The following DIS3L2 variants were observed in gnomAD, a reference collection of about 807,000 sequenced individuals.
DIS3L2 encodes DIS3 like 3'-5' exoribonuclease 2, also known as DIS3-like exonuclease 2.
DIS3L2 carries 34 observed loss-of-function variants against 97.5 expected under a neutral mutation model. That is an observed-to-expected ratio of 0.35 (90% confidence interval 0.27 to 0.46). The LOEUF is 0.46. DIS3L2 is among the 20% of genes least tolerant of loss of function. The pLI, the probability that DIS3L2 is intolerant of heterozygous loss-of-function variation, is 1.00. For synonymous variants in DIS3L2, 435 were observed against 445.2 expected, an observed-to-expected ratio of 0.98 and a Z score of 0.29; for missense variants, 1,038 against 1,146.0, an observed-to-expected ratio of 0.91 and a Z score of 1.36.
chr2:232,061,989 G>T (rs1206137730), intron 5 of DIS3L2, among the ~76,000 whole-genome samples: 2 of 149,588 alleles, frequency 1.3e-5, no homozygotes, highest in Non-Finnish European at 3.0e-5. Context: ...CTTTGTAAAA[G>T]AAAACAACTT....
At chr2:232,201,745 G>T (rs1691899210) in intron 9 of DIS3L2, among the ~76,000 whole-genome samples, 1 of 152,064 alleles carries the variant, frequency 6.6e-6, no homozygotes, top group Admixed American at 6.6e-5. Context: ...AGTATGGAGA[G>T]GGAAAGTATC....
At chr2:232,103,511 A>G (rs1697263473) in intron 6 of DIS3L2, among the ~76,000 whole-genome samples, 1 of 152,196 alleles carries the variant, frequency 6.6e-6, no homozygotes, top group South Asian at 2.1e-4. Context: ...TATAATATTG[A>G]ATAATTCTTG....
intron 6 of DIS3L2, among the ~76,000 whole-genome samples, chr2:232,094,236 C>A (rs1270180273): frequency 6.6e-6 from 1 of 152,140 alleles, no homozygotes; most frequent in Non-Finnish European, 1.5e-5. Flanking sequence ...TGTGATCTAA[C>A]ATATGGTCTG....
intron 1 of DIS3L2, among the ~76,000 whole-genome samples, chr2:231,999,590 T>C (rs1269231072): frequency 6.6e-6 from 1 of 152,220 alleles, no homozygotes; most frequent in Non-Finnish European, 1.5e-5. Context: ...AAGTATTTAC[T>C]TATTTGTTCC....
At chr2:231,986,901 A>G (rs1693428490) in intron 1 of DIS3L2, among the ~76,000 whole-genome samples, 1 of 152,204 alleles carries the variant, frequency 6.6e-6, no homozygotes, top group Non-Finnish European at 1.5e-5. Flanking sequence ...ACAAGTATTT[A>G]ATTTGTTTTA....
chr2:232,343,841 T>A, exon 14 of DIS3L2: 1 of 394,284 alleles, frequency 2.5e-6, no homozygotes, highest in South Asian at 4.1e-5. Context: ...AGATTTTCCA[T>A]CTCCAGAGCT....
chr2:232,160,642 G>A (rs565615825), intron 8 of DIS3L2, among the ~76,000 whole-genome samples: 4 of 152,070 alleles, frequency 2.6e-5, no homozygotes, highest in East Asian at 1.9e-4. Flanking sequence ...TTGGGAGGCC[G>A]AGGTGGGCAG....
chr2:232,315,745 T>C (rs1231766767), intron 14 of DIS3L2, among the ~76,000 whole-genome samples: 1 of 152,158 alleles, frequency 6.6e-6, no homozygotes, highest in African/African-American at 2.4e-5. Flanking sequence ...TGCGAAAAGA[T>C]TTCGTAGAGT....
intron 10 of DIS3L2, among the ~76,000 whole-genome samples, chr2:232,214,562 G>A (rs1350772926): frequency 6.6e-6 from 1 of 152,188 alleles, no homozygotes; most frequent in Admixed American, 6.5e-5. Flanking sequence ...TGTCCAGTGG[G>A]TTATGAGGTG....
At chr2:232,059,881 A>G (rs1164242016) in intron 5 of DIS3L2, among the ~76,000 whole-genome samples, 5 of 152,046 alleles carry the variant, frequency 3.3e-5, no homozygotes, top group African/African-American at 1.2e-4. Context: ...ATCCAGTCCA[A>G]TATTGGACTG....
At chr2:232,160,769 T>C (rs531969733) in intron 8 of DIS3L2, among the ~76,000 whole-genome samples, 1 of 152,222 alleles carries the variant, frequency 6.6e-6, no homozygotes, top group African/African-American at 2.4e-5. Flanking sequence ...GGTGGGAGTA[T>C]TGCTTGAGCC....
intron 6 of DIS3L2, among the ~76,000 whole-genome samples, chr2:232,095,749 G>A (rs957723349): frequency 9.2e-5 from 14 of 152,090 alleles, no homozygotes; most frequent in African/African-American, 2.9e-4. Flanking sequence ...GGACAAGTCT[G>A]GTGTTGATGA....
intron 1 of DIS3L2, among the ~76,000 whole-genome samples, chr2:231,989,846 C>CT (rs2106189688): frequency 6.6e-6 from 1 of 152,042 alleles, no homozygotes; most frequent in Admixed American, 6.5e-5. Context: ...TTGTCTCAAA[C>CT]AACAACAACA....
chr2:232,277,730 G>T (rs944514808), intron 13 of DIS3L2, among the ~76,000 whole-genome samples: 1 of 152,082 alleles, frequency 6.6e-6, no homozygotes, highest in Admixed American at 6.5e-5. Context: ...GAAATATGTC[G>T]TTAAGTGATT....
At chr2:232,265,070 C>G (rs900714864) in intron 13 of DIS3L2, among the ~76,000 whole-genome samples, 1 of 152,228 alleles carries the variant, frequency 6.6e-6, no homozygotes, top group Non-Finnish European at 1.5e-5. Flanking sequence ...AGAAATCATT[C>G]ATGGGAGTGT....
Position 232,334,638 on chromosome 2 carries a change from G to T in DIS3L2, c.2297G>T (p.Gly766Val). 3.1e-6 allele frequency: 5 copies of T among 1,607,658 alleles called. No homozygotes were observed. Among genetic ancestry groups the T allele is most frequent in the Non-Finnish European group, 4.2e-6 (5 of 1,177,392 alleles). The change falls in exon 19 of 21, where the codon GGC becomes GTC. Residue 766 changes from glycine to valine, a missense_variant. Around this residue, in one of 3 missense-constraint regions of DIS3L2, gnomAD observed 221 missense variants for 246.9 expected, o/e 0.90. Transcript: ENST00000325385. Reference protein sequence around the residue: ...LFFAVLVKESGPLESEAMVMG... With the variant: ...LFFAVLVKESVPLESEAMVMG... Reference sequence around the variant, plus strand: ...GCAGCACTGTCCCTGCAGGAGAGTGGCCCCCTGGAGTCAGAAGCCATGGTG... The same window carrying T: ...GCAGCACTGTCCCTGCAGGAGAGTGTCCCCCTGGAGTCAGAAGCCATGGTG...
chr2:231,978,844 A>T (rs1693170572), intron 1 of DIS3L2: 1 of 152,260 alleles, frequency 6.6e-6, no homozygotes, highest in African/African-American at 2.4e-5. Flanking sequence ...GCAAACACTG[A>T]CCAATTAAAT....
intron 6 of DIS3L2, among the ~76,000 whole-genome samples, chr2:232,128,762 T>G (rs1053185319): frequency 6.6e-6 from 1 of 152,166 alleles, no homozygotes; most frequent in African/African-American, 2.4e-5. Flanking sequence ...AGCCGACAAC[T>G]TTACTATTCA....
chr2:232,170,610 C>CT (rs922599772), intron 9 of DIS3L2, among the ~76,000 whole-genome samples: 9 of 152,154 alleles, frequency 5.9e-5, no homozygotes, highest in African/African-American at 2.2e-4. Flanking sequence ...TGCTTTCTCT[C>CT]TTTTTTTCCC....
Sources: gnomAD v4.1 joint callset for allele counts (sites outside exome capture counted in the v4.1 genomes callset) on GRCh38, gnomAD v4.1.1 for gene constraint, gnomAD v4.1.1 regional missense constraint, MANE v1.5 for transcripts, NCBI Gene and HGNC (gene_info 2026-07-23, HGNC 2026-07-21) for gene names.